The following NR3C2 variants were observed in gnomAD, a reference collection of about 807,000 sequenced individuals.
NR3C2 encodes the protein nuclear receptor subfamily 3 group C member 2.
Under a neutral mutation model 86.4 loss-of-function variants are expected in NR3C2, and 15 were observed. The observed-to-expected ratio is 0.17, with a 90% CI of 0.12 to 0.27. The LOEUF (loss-of-function observed/expected upper bound fraction) is 0.27, where lower values mean the gene tolerates loss of function less well. Among genes scored for constraint, NR3C2 ranks in the 10% least tolerant of loss-of-function variants. NR3C2 has a pLI of 1.00. For missense variants in NR3C2, 960 were observed against 1,195.6 expected (o/e 0.80, Z 2.91); for synonymous variants, 458 against 450.5 (o/e 1.02, Z -0.21).
At chr4:148,258,583 C>T (rs1470436668) in intron 3 of NR3C2, among the ~76,000 whole-genome samples, 1 of 152,158 alleles carries the variant, frequency 6.6e-6, no homozygotes, top group African/African-American at 2.4e-5. Flanking sequence ...GGCATGTGAG[C>T]CAAGTTCAAT....
At position 148,111,473 on chromosome 4, in the gene NR3C2, G is replaced by A. The variant is rs190021821; in HGVS notation, c.2799+2631C>T. 5.5e-4 allele frequency among the ~76,000 whole-genome samples: 84 copies of A among 152,264 alleles called. No homozygotes were observed. In the East Asian group the frequency reaches 0.011, roughly 19 times the overall value. On this transcript the variant is annotated intron_variant, in intron 8 of 8. Coordinates refer to ENST00000358102, the MANE Select transcript of NR3C2 (RefSeq NM_000901.5). Reference sequence around the variant, plus strand: ...TATTACCCAGGTATTCTACTACAAGGCATTCATCCAAGAAAGGAGAAAGTA... The same window carrying A: ...TATTACCCAGGTATTCTACTACAAGACATTCATCCAAGAAAGGAGAAAGTA...
At chr4:148,428,600 G>T (rs1250834354) in intron 2 of NR3C2, among the ~76,000 whole-genome samples, 2 of 152,154 alleles carry the variant, frequency 1.3e-5, no homozygotes, top group Non-Finnish European at 2.9e-5. Flanking sequence ...TGTCCTTGAT[G>T]CTAGGAGTTC....
chr4:148,284,908 A>G (rs1462000480), intron 2 of NR3C2, among the ~76,000 whole-genome samples: 1 of 152,312 alleles, frequency 6.6e-6, no homozygotes, highest in East Asian at 1.9e-4. Flanking sequence ...CATTGTTCTC[A>G]TTTCATATAC....
chr4:148,277,827 C>G (rs565136848), intron 2 of NR3C2, among the ~76,000 whole-genome samples: 1 of 152,088 alleles, frequency 6.6e-6, no homozygotes, highest in Admixed American at 6.6e-5. Flanking sequence ...AAGGGCCATA[C>G]TAGTCATCAG....
At chr4:148,254,817 A>C (rs1348519002) in intron 3 of NR3C2, among the ~76,000 whole-genome samples, 1 of 152,178 alleles carries the variant, frequency 6.6e-6, no homozygotes, top group Non-Finnish European at 1.5e-5. Context: ...GGTTGTGACA[A>C]TAGGCTCAGA....
chr4:148,276,445 C>G (rs1178218484), intron 2 of NR3C2, among the ~76,000 whole-genome samples: 2 of 152,006 alleles, frequency 1.3e-5, no homozygotes, highest in Non-Finnish European at 2.9e-5. Context: ...AGAGTTTATC[C>G]TTACTACTCA....
chr4:148,354,201 C>T (rs1745438793), intron 2 of NR3C2, among the ~76,000 whole-genome samples: 1 of 151,898 alleles, frequency 6.6e-6, no homozygotes, highest in South Asian at 2.1e-4. Flanking sequence ...TTTGATGATC[C>T]ACTTAATGAA....
At chr4:148,297,230 A>T (rs1334270292) in intron 2 of NR3C2, among the ~76,000 whole-genome samples, 1 of 152,208 alleles carries the variant, frequency 6.6e-6, no homozygotes, top group East Asian at 1.9e-4. Flanking sequence ...TCTATTAAAA[A>T]CATAAATTTC....
intron 3 of NR3C2, among the ~76,000 whole-genome samples, chr4:148,204,899 CA>C (rs1736924182): frequency 6.6e-6 from 1 of 152,178 alleles, no homozygotes; most frequent in African/African-American, 2.4e-5. Flanking sequence ...ACCTGGAAGC[CA>C]ACATATGCAC....
intron 4 of NR3C2, among the ~76,000 whole-genome samples, chr4:148,162,673 T>A (rs1734714388): frequency 6.6e-6 from 1 of 152,210 alleles, no homozygotes; most frequent in African/African-American, 2.4e-5. Context: ...CTGGACTGCG[T>A]CGCATGGGGC....
intron 2 of NR3C2, among the ~76,000 whole-genome samples, chr4:148,429,078 C>A (rs764189734): frequency 2.0e-5 from 3 of 152,084 alleles, no homozygotes; most frequent in Non-Finnish European, 4.4e-5. Context: ...GCTCACAGAG[C>A]TCCCTCCTCC....
chr4:148,290,097 T>C (rs772260742), intron 2 of NR3C2, among the ~76,000 whole-genome samples: 3 of 152,152 alleles, frequency 2.0e-5, no homozygotes, highest in Non-Finnish European at 4.4e-5. Context: ...AAGGCCAAGG[T>C]GTTAGCAAAC....
intron 2 of NR3C2, among the ~76,000 whole-genome samples, chr4:148,308,626 A>C (rs547823599): frequency 1.3e-5 from 2 of 152,294 alleles, no homozygotes; most frequent in Admixed American, 1.3e-4. Flanking sequence ...TTAAAGGATA[A>C]GAAATCACAG....
At chr4:148,198,758 T>C (rs1440687630) in intron 3 of NR3C2, among the ~76,000 whole-genome samples, 2 of 150,598 alleles carry the variant, frequency 1.3e-5, no homozygotes, top group Non-Finnish European at 3.0e-5. Context: ...GTAGAGGTGG[T>C]AGTGATGAAC....
chr4:148,165,513 A>T (rs115295261), intron 4 of NR3C2, among the ~76,000 whole-genome samples: 10 of 152,256 alleles, frequency 6.6e-5, no homozygotes, highest in Non-Finnish European at 1.3e-4. Context: ...TTATGACTAC[A>T]TCATTATAAT....
At chr4:148,355,403 T>C (rs1353178309) in intron 2 of NR3C2, among the ~76,000 whole-genome samples, 1 of 152,168 alleles carries the variant, frequency 6.6e-6, no homozygotes, top group Non-Finnish European at 1.5e-5. Flanking sequence ...TTGCTCAGTC[T>C]CTCTTTTGCC....
intron 8 of NR3C2, among the ~76,000 whole-genome samples, chr4:148,101,328 CATT>C (rs1731527190): frequency 6.6e-6 from 1 of 152,130 alleles, no homozygotes; most frequent in Non-Finnish European, 1.5e-5. Flanking sequence ...GCTGGGAAAA[CATT>C]AACCTTCTTG....
intron 2 of NR3C2, among the ~76,000 whole-genome samples, chr4:148,356,146 A>T (rs557050303): frequency 1.3e-5 from 2 of 152,360 alleles, no homozygotes; most frequent in South Asian, 4.1e-4. Context: ...GAAAAGAGAC[A>T]AATTTAAAAA....
chr4:148,217,191 G>A (rs1328905351), intron 3 of NR3C2, among the ~76,000 whole-genome samples: 1 of 152,180 alleles, frequency 6.6e-6, no homozygotes, highest in African/African-American at 2.4e-5. Context: ...CCCCGCTACA[G>A]CTCTGGAAAG....
Sources: allele counts gnomAD v4.1 joint callset (sites outside exome capture counted in the v4.1 genomes callset), GRCh38; gene constraint gnomAD v4.1.1; transcripts MANE v1.5; gene names NCBI Gene and HGNC (gene_info 2026-07-23, HGNC 2026-07-21).